The following MACROD2 variants were observed in gnomAD, a reference collection of about 807,000 sequenced individuals.
MACROD2 encodes the protein mono-ADP ribosylhydrolase 2, also known as ADP-ribose glycohydrolase MACROD2.
A neutral mutation model predicts 70.4 loss-of-function variants in MACROD2; 36 were observed. The observed-to-expected ratio is 0.51, with a 90% CI of 0.39 to 0.68. The LOEUF is 0.68. Among genes scored for constraint, MACROD2 ranks in the 30% least tolerant of loss-of-function variants. The pLI, the probability that MACROD2 is intolerant of heterozygous loss-of-function variation, is 0.00. For synonymous variants in MACROD2, 172 were observed against 178.8 expected (o/e 0.96, Z 0.30); for missense variants, 496 against 538.4 (o/e 0.92, Z 0.78).
At chr20:14,385,967 C>G (rs948907021) in intron 3 of MACROD2, among the ~76,000 whole-genome samples, 4 of 152,114 alleles carry the variant, frequency 2.6e-5, no homozygotes, top group Admixed American at 2.0e-4. Flanking sequence ...TTCTTTCATG[C>G]AAATGTATTG....
chr20:14,236,052 T>C (rs2081867280), intron 3 of MACROD2, among the ~76,000 whole-genome samples: 1 of 152,156 alleles, frequency 6.6e-6, no homozygotes, highest in South Asian at 2.1e-4. Context: ...ACTTAGCCTA[T>C]ATGACGAAGT....
At chr20:14,813,735 T>A (rs2072742315) in intron 5 of MACROD2, among the ~76,000 whole-genome samples, 1 of 152,062 alleles carries the variant, frequency 6.6e-6, no homozygotes, top group African/African-American at 2.4e-5. Context: ...ATCTGGAAGC[T>A]CATTCAAGCC....
At chr20:15,675,449 A>T (rs2050043759) in intron 8 of MACROD2, among the ~76,000 whole-genome samples, 1 of 152,078 alleles carries the variant, frequency 6.6e-6, no homozygotes, top group Admixed American at 6.5e-5. Flanking sequence ...ATCTACTTTT[A>T]TCTGTGACAC....
At chr20:15,486,203 C>T (rs1328421571) in intron 7 of MACROD2, among the ~76,000 whole-genome samples, 1 of 152,000 alleles carries the variant, frequency 6.6e-6, no homozygotes, top group Non-Finnish European at 1.5e-5. Context: ...GTTCCAGGGG[C>T]AGAGAGGGGA....
At chr20:15,448,035 A>G (rs376452749) in intron 7 of MACROD2, among the ~76,000 whole-genome samples, 61 of 152,228 alleles carry the variant, frequency 4.0e-4, no homozygotes, top group African/African-American at 1.4e-3. Flanking sequence ...TTTCCTTGGA[A>G]TACAATGTTA....
chr20:14,187,002 A>T (rs2148735455), intron 3 of MACROD2, among the ~76,000 whole-genome samples: 1 of 152,286 alleles, frequency 6.6e-6, no homozygotes, highest in South Asian at 2.1e-4. Context: ...CCGGAAGGGT[A>T]CTGTGTTTAC....
intron 12 of MACROD2, 66 bp from the exon 13 acceptor site, chr20:15,967,487 G>A: frequency 8.1e-7 from 1 of 1,233,768 alleles, no homozygotes; most frequent in Non-Finnish European, 1.2e-6. Context: ...TATCATGTTA[G>A]TGCTGAAAGC....
chr20:14,697,898 A>G (rs2046304178), intron 5 of MACROD2, among the ~76,000 whole-genome samples: 1 of 152,214 alleles, frequency 6.6e-6, no homozygotes, highest in Admixed American at 6.5e-5. Flanking sequence ...GAACTAGGCA[A>G]GGATTTTTAC....
At chr20:14,068,621 T>C (rs1206317188) in intron 2 of MACROD2, among the ~76,000 whole-genome samples, 1 of 152,058 alleles carries the variant, frequency 6.6e-6, no homozygotes, top group East Asian at 1.9e-4. Context: ...AAAGGATAGT[T>C]AGGAGTACCA....
chr20:14,634,658 G>A (rs954294877), intron 4 of MACROD2, among the ~76,000 whole-genome samples: 1 of 151,702 alleles, frequency 6.6e-6, no homozygotes, highest in Non-Finnish European at 1.5e-5. Flanking sequence ...TTGCCTGTAA[G>A]TCTGTAAATG....
intron 3 of MACROD2, among the ~76,000 whole-genome samples, chr20:14,428,012 G>C (rs2083952913): frequency 6.6e-6 from 1 of 152,084 alleles, no homozygotes; most frequent in African/African-American, 2.4e-5. Flanking sequence ...GTAATGAGCA[G>C]ACTTTTAGAC....
intron 4 of MACROD2, among the ~76,000 whole-genome samples, chr20:14,657,611 A>G (rs1361029285): frequency 6.6e-6 from 1 of 152,210 alleles, no homozygotes; most frequent in Non-Finnish European, 1.5e-5. Flanking sequence ...CATTATCACA[A>G]GGGTAATAGT....
chr20:14,220,204 C>T (rs749907248), intron 3 of MACROD2, among the ~76,000 whole-genome samples: 6 of 151,822 alleles, frequency 4.0e-5, no homozygotes, highest in Admixed American at 6.6e-5. Flanking sequence ...GGTCTTGCTG[C>T]GGCTGCTGTT....
intron 6 of MACROD2, among the ~76,000 whole-genome samples, chr20:15,413,220 C>CT (rs11482719): frequency 0.1 from 15,144 of 149,898 alleles, 784 homozygotes; most frequent in Non-Finnish European, 0.12. Context: ...AAATATAAAA[C>CT]TTTTTTTTTT....
At chr20:14,610,348 A>G (rs1983081380) in intron 4 of MACROD2, among the ~76,000 whole-genome samples, 1 of 152,098 alleles carries the variant, frequency 6.6e-6, no homozygotes, top group South Asian at 2.1e-4. Flanking sequence ...GGGGATTTTT[A>G]CTTCATTTTC....
chr20:14,004,955 A>G (rs2148612087), intron 2 of MACROD2, among the ~76,000 whole-genome samples: 1 of 152,276 alleles, frequency 6.6e-6, no homozygotes, highest in East Asian at 1.9e-4. Flanking sequence ...ATTCCTGAGT[A>G]CTTGAATAGT....
At chr20:14,627,271 TC>T (rs1041164186) in intron 4 of MACROD2, among the ~76,000 whole-genome samples, 1 of 152,112 alleles carries the variant, frequency 6.6e-6, no homozygotes, top group African/African-American at 2.4e-5. Flanking sequence ...AAACTAATTC[TC>T]TCAATGGGAA....
intron 3 of MACROD2, among the ~76,000 whole-genome samples, chr20:14,114,824 A>G (rs1209956364): frequency 6.6e-6 from 1 of 152,154 alleles, no homozygotes. Flanking sequence ...CATTGATTGG[A>G]TATGTCAGGA....
chr20:15,478,248 G>T, intron 7 of MACROD2, among the ~76,000 whole-genome samples: 1 of 152,200 alleles, frequency 6.6e-6, no homozygotes, highest in East Asian at 1.9e-4. Context: ...GTTCGAGGAG[G>T]CTGAGGTATT....
Sources: allele counts gnomAD v4.1 joint callset (sites outside exome capture counted in the v4.1 genomes callset), GRCh38; gene constraint gnomAD v4.1.1; transcripts MANE v1.5; gene names NCBI Gene and HGNC (gene_info 2026-07-23, HGNC 2026-07-21).